Variants in SESTD1 observed in about 807,000 individuals in gnomAD.
SESTD1 encodes SEC14 domain and spectrin repeat-containing protein 1.
A neutral mutation model predicts 101.7 loss-of-function variants in SESTD1; 43 were observed. The observed-to-expected ratio is 0.42, with a 90% confidence interval of 0.33 to 0.55. The LOEUF (loss-of-function observed/expected upper bound fraction) is 0.55, where lower values mean the gene tolerates loss of function less well. Among genes scored for constraint, SESTD1 ranks in the 20% least tolerant of loss-of-function variants. The probability of loss-of-function intolerance (pLI) is 0.07; values close to 1 mark genes in which losing one functional copy is unlikely to be tolerated. For synonymous variants in SESTD1, 283 were observed against 286.8 expected, an observed-to-expected ratio of 0.99 and a Z score of 0.13; for missense variants, 647 against 815.1, an observed-to-expected ratio of 0.79 and a Z score of 2.51.
At position 179,203,711 on chromosome 2, in the gene SESTD1, G is replaced by T. The variant is rs776297988; in HGVS notation, c.-25-11845C>A. Among the ~76,000 whole-genome samples the T allele has an allele frequency of 2.2e-5, 3 of 134,348 alleles. 1 individual carries two copies. The highest frequency in any genetic ancestry group is 3.2e-5 in the Non-Finnish European group (2 of 62,726). The allele number at this position is 134,348 out of a possible 152,430, so 88.1% of individuals were successfully genotyped here. A position where few individuals can be genotyped will look rare whatever the true frequency, so the allele number is the denominator to read the frequency against. ...AGAACCTTGATTTGCAGCCAAGTCA[G>T]ACAGAAGTGTGGGTAACCTGCGGAC... On this transcript the variant is annotated intron_variant, in intron 1 of 17. Transcript: ENST00000428443.
intron 12 of SESTD1, among the ~76,000 whole-genome samples, chr2:179,122,950 T>C (rs925674963): frequency 1.3e-5 from 2 of 152,164 alleles, no homozygotes; most frequent in Non-Finnish European, 2.9e-5. Context: ...ACAAGTGTGA[T>C]TTTTCAAACC....
Position 179,191,855 on chromosome 2 carries a change from A to C in SESTD1, c.-14T>G. ...TGAGGCCTCCATTTTACTCCAGTGA[A>C]CTTCCTTAATTCTGAAAACACAGAA... On this transcript the variant is annotated 5_prime_UTR_variant, in exon 2 of 18. Transcript: ENST00000428443. 1.2e-6 allele frequency: 2 copies of C among 1,606,148 alleles called. No homozygotes were observed. Among genetic ancestry groups the C allele is most frequent in the African/African-American group, 2.7e-5 (2 of 74,702 alleles).
rs550240424 is a variant in SESTD1, at chr2:179,263,819, C to T, written c.-26+680G>A. On this transcript the variant is annotated intron_variant, in intron 1 of 17. Transcript: ENST00000428443. ...TAGAAAAATAAACACAACCACAGAC[C>T]CTGGCCAACCCTCTCTCTCCTCCCC... 3.3e-4 allele frequency among the ~76,000 whole-genome samples: 50 copies of T among 152,260 alleles called. 1 individual carries two copies. The highest frequency in any genetic ancestry group is 1.2e-3 in the African/African-American group (50 of 41,538).
chr2:179,156,942 T>C (rs546705309), intron 5 of SESTD1, among the ~76,000 whole-genome samples: 7 of 152,350 alleles, frequency 4.6e-5, no homozygotes, highest in Non-Finnish European at 7.3e-5. Flanking sequence ...TTTTAGAATT[T>C]TTATAGTTTC....
chr2:179,116,632 T>C, intron 15 of SESTD1, 36 bp downstream of exon 15: 1 of 1,613,918 alleles, frequency 6.2e-7, no homozygotes, highest in South Asian at 1.1e-5. Context: ...ATTCAAACAC[T>C]GAGCTTGTGG....
At chr2:179,220,427 AC>A (rs2046797606) in intron 1 of SESTD1, among the ~76,000 whole-genome samples, 3 of 152,138 alleles carry the variant, frequency 2.0e-5, no homozygotes, top group Admixed American at 1.3e-4. Context: ...AGCAAATCAC[AC>A]TTGTGGAATT....
chr2:179,137,476 C>T (rs1053036333), intron 9 of SESTD1, among the ~76,000 whole-genome samples: 8 of 152,190 alleles, frequency 5.3e-5, no homozygotes, highest in Admixed American at 3.9e-4. Context: ...TTCCTCTCTA[C>T]AGAGGAAGAA....
Position 179,156,419 on chromosome 2 carries a change from C to T in SESTD1, c.370-5028G>A, listed in dbSNP as rs560014006. ...TTTGAGGTATCTCCACACTGTTTTC[C>T]ATAGTGGCTGTACTAGTTTACATTC... On this transcript the variant is annotated intron_variant, in intron 5 of 17. Coordinates refer to ENST00000428443, the MANE Select transcript of SESTD1 (RefSeq NM_178123.5). Among the ~76,000 whole-genome samples the T allele has an allele frequency of 7.6e-4, 115 of 152,270 alleles. 2 individuals carry two copies. Among genetic ancestry groups the T allele is most frequent in the African/African-American group, 2.7e-3 (111 of 41,564 alleles).
At chr2:179,237,297 GTCT>G (rs2105543726) in intron 1 of SESTD1, among the ~76,000 whole-genome samples, 1 of 152,000 alleles carries the variant, frequency 6.6e-6, no homozygotes, top group African/African-American at 2.4e-5. Flanking sequence ...TGCTTTTCCT[GTCT>G]TCTTGTGTTT....
chr2:179,117,670 T>G lies in SESTD1; in HGVS notation c.1443-57A>C, dbSNP rs148599435. 7 of 1,350,268 alleles carry G rather than the reference T, an allele frequency of 5.2e-6. No homozygotes were observed. In the African/African-American group the frequency reaches 1.1e-4, roughly 20 times the overall value. 83.6% of individuals were successfully genotyped at this position (1,350,268 alleles called of 1,614,324 possible). On this transcript the variant is annotated intron_variant, in intron 13 of 17. Transcript: ENST00000428443. ...ATTTCTGTTTTATTGATTACTATTG[T>G]AACATCATCATTTGGTACATGTATT...
intron 1 of SESTD1, among the ~76,000 whole-genome samples, chr2:179,244,301 T>C (rs1455836370): frequency 6.6e-6 from 1 of 151,568 alleles, no homozygotes; most frequent in Non-Finnish European, 1.5e-5. Context: ...TTACTAAAAA[T>C]ACAAAAAATT....
At chr2:179,196,976 G>A (rs2046408724) in intron 1 of SESTD1, among the ~76,000 whole-genome samples, 1 of 152,220 alleles carries the variant, frequency 6.6e-6, no homozygotes, top group Admixed American at 6.5e-5. Context: ...TTGATGAGCT[G>A]AGAGAAGAAG....
intron 1 of SESTD1, among the ~76,000 whole-genome samples, chr2:179,241,624 T>TC (rs2047154676): frequency 2.0e-4 from 1 of 5,074 alleles, no homozygotes; most frequent in Non-Finnish European, 1.5e-3. Flanking sequence ...ACTCTCATCT[T>TC]TAAAAAAAAA....
chr2:179,171,551 G>A (rs2045930433), intron 5 of SESTD1, among the ~76,000 whole-genome samples: 1 of 151,996 alleles, frequency 6.6e-6, no homozygotes, highest in Non-Finnish European at 1.5e-5. Context: ...CTCTCCTACT[G>A]GGAAGTTGAG....
At chr2:179,124,205 T>A (rs1001815519) in intron 11 of SESTD1, among the ~76,000 whole-genome samples, 159 bp downstream of exon 11, 5 of 152,070 alleles carry the variant, frequency 3.3e-5, no homozygotes, top group African/African-American at 1.2e-4. Context: ...TACTTGTTTT[T>A]AAAAAAAATC....
intron 1 of SESTD1, among the ~76,000 whole-genome samples, chr2:179,195,849 TAA>T (rs779869254): frequency 2.9e-5 from 4 of 137,408 alleles, no homozygotes; most frequent in Admixed American, 1.5e-4. Flanking sequence ...GAAGGTTATT[TAA>T]AAAAAAAAAA....
At chr2:179,139,353 C>T (rs1159128737) in intron 9 of SESTD1, among the ~76,000 whole-genome samples, 2 of 152,104 alleles carry the variant, frequency 1.3e-5, no homozygotes, top group Non-Finnish European at 2.9e-5. Context: ...GCCTGATTTA[C>T]ATACAGAGCA....
intron 1 of SESTD1, among the ~76,000 whole-genome samples, chr2:179,224,307 C>T (rs2046852685): frequency 6.6e-6 from 1 of 152,140 alleles, no homozygotes; most frequent in Non-Finnish European, 1.5e-5. Context: ...ATTACTGTCA[C>T]CATTTAACAG....
chr2:179,114,406 T>C (rs1360827251), intron 16 of SESTD1, among the ~76,000 whole-genome samples: 1 of 152,170 alleles, frequency 6.6e-6, no homozygotes, highest in East Asian at 1.9e-4. Flanking sequence ...CAAAACAAAA[T>C]TAACTACATA....
Sources: gnomAD v4.1 joint callset for allele counts (sites outside exome capture counted in the v4.1 genomes callset) on GRCh38, gnomAD v4.1.1 for gene constraint, MANE v1.5 for transcripts, NCBI Gene and HGNC (gene_info 2026-07-23, HGNC 2026-07-21) for gene names.